The following ADAM19 variants were observed in gnomAD, a reference collection of about 807,000 sequenced individuals.
ADAM19 encodes the protein ADAM metallopeptidase domain 19, also known as disintegrin and metalloproteinase domain-containing protein 19.
In ADAM19, 65 loss-of-function variants were observed where a neutral mutation model predicts 114.7. The observed-to-expected ratio is 0.57, with a 90% CI of 0.46 to 0.70. The LOEUF (loss-of-function observed/expected upper bound fraction) is 0.70. Among genes scored for constraint, ADAM19 ranks in the 30% least tolerant of loss-of-function variants. The pLI is 0.00. For missense variants in ADAM19, 1,063 were observed against 1,204.7 expected, an observed-to-expected ratio of 0.88 and a Z score of 1.74; for synonymous variants, 466 against 460.5, an observed-to-expected ratio of 1.01 and a Z score of -0.15.
intron 5 of ADAM19, among the ~76,000 whole-genome samples, chr5:157,529,834 T>C (rs1350164003): frequency 2.0e-5 from 3 of 152,216 alleles, no homozygotes; most frequent in Non-Finnish European, 4.4e-5. Flanking sequence ...GTAGTCTCAC[T>C]CAGAGAAGGA....
intron 21 of ADAM19, 129 bp downstream of exon 21, chr5:157,488,136 G>C (rs2113691707): frequency 1.1e-6 from 1 of 915,526 alleles, no homozygotes. Context: ...CCCCCGTATT[G>C]ACTGAATTGC....
chr5:157,509,547 C>T (rs1755849490), intron 8 of ADAM19, 80 bp from the exon 9 acceptor site: 2 of 1,091,506 alleles, frequency 1.8e-6, no homozygotes, highest in African/African-American at 1.6e-5. Context: ...TCTGGTGGAG[C>T]TTGAGATTAA....
chr5:157,564,404 G>A lies in ADAM19; in HGVS notation c.220C>T (p.Arg74Ter), dbSNP rs202186292. Residue 74 changes from arginine to a stop codon, truncating the protein, a stop_gained, in exon 3 of 23, where the codon CGA becomes TGA. Coordinates refer to ENST00000257527, the MANE Select transcript of ADAM19 (RefSeq NM_033274.5). LOFTEE classifies it high-confidence loss of function. ...TTCTCCAGGTCCAGGATCAGTTCTC[G>A]CCCCTCAGCCATTACCCTGAGCTCA... ...KAELRVMAEG[R>*]ELILDLEKNE... The A allele has an allele frequency of 9.7e-5, 157 of 1,613,962 alleles. No homozygotes were observed. Among genetic ancestry groups the A allele is most frequent in the Non-Finnish European group, 1.3e-4 (152 of 1,180,006 alleles).
chr5:157,491,577 A>G, intron 18 of ADAM19, 38 bp downstream of exon 18: 1 of 1,406,536 alleles, frequency 7.1e-7, no homozygotes, highest in Non-Finnish European at 9.5e-7. Flanking sequence ...CGCTCTTCTC[A>G]CAAAAGCGGG....
intron 10 of ADAM19, among the ~76,000 whole-genome samples, 189 bp from the exon 11 acceptor site, chr5:157,505,997 TA>T (rs1755730504): frequency 2.0e-5 from 3 of 152,220 alleles, no homozygotes. Flanking sequence ...ATCAAATGTT[TA>T]AAAGTCCATG....
At chr5:157,565,357 CACT>C (rs535220015) in intron 2 of ADAM19, among the ~76,000 whole-genome samples, 3 of 152,172 alleles carry the variant, frequency 2.0e-5, no homozygotes, top group Non-Finnish European at 4.4e-5. Flanking sequence ...CAATCCCTAC[CACT>C]GAGAATTTAA....
intron 3 of ADAM19, among the ~76,000 whole-genome samples, chr5:157,557,815 A>T (rs578261831): frequency 9.2e-5 from 14 of 152,308 alleles, no homozygotes; most frequent in African/African-American, 3.4e-4. Context: ...GAGCCCTCAT[A>T]AACGAATCAT....
chr5:157,515,227 A>G, intron 7 of ADAM19, among the ~76,000 whole-genome samples: 1 of 152,346 alleles, frequency 6.6e-6, no homozygotes, highest in Non-Finnish European at 1.5e-5. Flanking sequence ...TTCTCATTAT[A>G]GAGGCCTCCT....
chr5:157,540,228 C>A (rs1422973310), intron 3 of ADAM19, among the ~76,000 whole-genome samples: 2 of 152,222 alleles, frequency 1.3e-5, no homozygotes, highest in African/African-American at 4.8e-5. Context: ...CTCTCTCTAA[C>A]TTTCCCCAGC....
In ADAM19 at chr5:157,488,428, T is replaced by C; in HGVS notation, c.2387A>G (p.Asp796Gly). ...PSQPPPRPPP[D>G]YLRGGSPPAP... ...AGGTGGGGACCCACCACGCAGATAA[T>C]CTGGAGGGGGCCGGGGAGGAGGCTG... Residue 796 changes from aspartate to glycine, a missense_variant, in exon 21 of 23, where the codon GAT becomes GGT. This residue lies in a region of ADAM19 where 424 missense variants were observed against 445.5 expected (regional missense o/e 0.95). Transcript: ENST00000257527. The C allele has an allele frequency of 6.2e-7, 1 of 1,613,088 alleles. No homozygotes were observed. Among genetic ancestry groups the C allele is most frequent in the South Asian group, 1.1e-5 (1 of 91,058 alleles).
chr5:157,536,088 C>T (rs1413481559), intron 4 of ADAM19, among the ~76,000 whole-genome samples: 1 of 152,256 alleles, frequency 6.6e-6, no homozygotes, highest in African/African-American at 2.4e-5. Context: ...GGCCACACTA[C>T]CAACTCCTTC....
intron 5 of ADAM19, among the ~76,000 whole-genome samples, chr5:157,526,282 G>C (rs1246889652): frequency 6.6e-6 from 1 of 151,954 alleles, no homozygotes; most frequent in Non-Finnish European, 1.5e-5. Context: ...GAATGGGATT[G>C]GTTGGAAGGG....
chr5:157,497,431 T>C (rs1037136116), intron 13 of ADAM19, among the ~76,000 whole-genome samples: 1 of 152,200 alleles, frequency 6.6e-6, no homozygotes, highest in African/African-American at 2.4e-5. Context: ...CCAGTACAAA[T>C]ATGACTTCAC....
At chr5:157,530,964 G>A in intron 4 of ADAM19, 81 bp from the exon 5 acceptor site, 2 of 1,230,150 alleles carry the variant, frequency 1.6e-6, no homozygotes, top group Non-Finnish European at 2.4e-6. Flanking sequence ...GGTCATGGAT[G>A]ACTCATGGCT....
In ADAM19 at chr5:157,478,434, G is replaced by A. The variant is rs1473227777; in HGVS notation, c.*2515C>T. 2.6e-6 allele frequency: 1 copy of A among 384,128 alleles called. No homozygotes were observed. The highest frequency in any genetic ancestry group is 2.2e-5 in the African/African-American group (1 of 45,660). 23.8% of individuals were successfully genotyped at this position (384,128 alleles called of 1,614,324 possible). ...CGCTTGCAGATCTTGCCATCGGTCG[G>A]TCTGAGCCTTTTCACTATTCCCATA... On this transcript the variant is annotated 3_prime_UTR_variant, in exon 23 of 23. Transcript: ENST00000257527.
chr5:157,520,528 G>C (rs1184423374), intron 5 of ADAM19, among the ~76,000 whole-genome samples: 1 of 152,220 alleles, frequency 6.6e-6, no homozygotes, highest in Non-Finnish European at 1.5e-5. Flanking sequence ...GCCTGCAAGT[G>C]AGGTGACCGA....
intron 3 of ADAM19, among the ~76,000 whole-genome samples, chr5:157,545,239 TA>T (rs1757016883): frequency 1.3e-5 from 2 of 152,190 alleles, no homozygotes; most frequent in African/African-American, 4.8e-5. Context: ...AGTGGATACC[TA>T]TTGTCAGAGC....
At chr5:157,562,219 T>C (rs527412802) in intron 3 of ADAM19, among the ~76,000 whole-genome samples, 64 of 152,284 alleles carry the variant, frequency 4.2e-4, no homozygotes, top group South Asian at 1.0e-3. Context: ...TGGATGAAAA[T>C]AGCAGGAAGC....
At chr5:157,549,540 C>T (rs947579300) in intron 3 of ADAM19, among the ~76,000 whole-genome samples, 5 of 152,338 alleles carry the variant, frequency 3.3e-5, no homozygotes, top group Admixed American at 2.0e-4. Context: ...TCCCATCATT[C>T]TGCAAGACAA....
Sources: gnomAD v4.1 joint callset for allele counts (sites outside exome capture counted in the v4.1 genomes callset) on GRCh38, gnomAD v4.1.1 for gene constraint, gnomAD v4.1.1 regional missense constraint, MANE v1.5 for transcripts, NCBI Gene and HGNC (gene_info 2026-07-23, HGNC 2026-07-21) for gene names.